Variants in ENTPD7 observed in about 807,000 individuals in gnomAD.
ENTPD7 encodes the protein ectonucleoside triphosphate diphosphohydrolase 7.
A neutral mutation model predicts 77.9 loss-of-function variants in ENTPD7; 53 were observed. The observed-to-expected ratio is 0.68, with a 90% CI of 0.55 to 0.85. The LOEUF is 0.85. Among genes scored for constraint, ENTPD7 ranks in the 40% least tolerant of loss-of-function variants. The pLI, the probability that ENTPD7 is intolerant of heterozygous loss-of-function variation, is 0.00. For synonymous variants in ENTPD7, 248 were observed against 274.9 expected (o/e 0.90, Z 0.97); for missense variants, 636 against 743.7 (o/e 0.86, Z 1.68).
At chr10:99,680,085 G>C (rs2035734396) in intron 5 of ENTPD7, among the ~76,000 whole-genome samples, 1 of 152,202 alleles carries the variant, frequency 6.6e-6, no homozygotes, top group Non-Finnish European at 1.5e-5. Flanking sequence ...TTGAGGGTTG[G>C]GAGTAGTGGT....
At chr10:99,671,544 T>C (rs921907391) in intron 3 of ENTPD7, among the ~76,000 whole-genome samples, 3 of 152,228 alleles carry the variant, frequency 2.0e-5, no homozygotes, top group Non-Finnish European at 4.4e-5. Flanking sequence ...TATAATCTTA[T>C]GGGACCACTG....
At chr10:99,679,674 G>A (rs2035727279) in intron 4 of ENTPD7, 51 bp from the exon 5 acceptor site, 2 of 1,572,976 alleles carry the variant, frequency 1.3e-6, no homozygotes, top group African/African-American at 1.4e-5. Flanking sequence ...TGAGTCTTAT[G>A]TGAGCCGCTT....
intron 3 of ENTPD7, among the ~76,000 whole-genome samples, chr10:99,669,760 T>TG (rs2035596787): frequency 7.4e-6 from 1 of 135,918 alleles, no homozygotes; most frequent in Non-Finnish European, 1.6e-5. Context: ...TTTTTTTTTT[T>TG]TTTTTTTGAG....
At chr10:99,668,232 GC>G (rs2035575421) in intron 3 of ENTPD7, among the ~76,000 whole-genome samples, 1 of 152,104 alleles carries the variant, frequency 6.6e-6, no homozygotes, top group African/African-American at 2.4e-5. Flanking sequence ...ACCATGCCTG[GC>G]CATTAATGAT....
chr10:99,691,512 A>G lies in ENTPD7; in HGVS notation c.837A>G (p.Ala279=), dbSNP rs1356622748. The change falls in exon 8 of 13, where the codon GCA becomes GCG. Residue 279 remains alanine, a synonymous_variant. Transcript: ENST00000370489. ...CTACCTCAACCTCTGTCCTTCCTGCAAAGCAGGTACTTTACCTTTTAGGGA... is the reference window on the plus strand; with the variant it reads ...CTACCTCAACCTCTGTCCTTCCTGCGAAGCAGGTACTTTACCTTTTAGGGA... The part of the protein sequence containing the change: ...EVPTSTSVLP[A]KQEEAAKILL... The G allele has an allele frequency of 6.2e-7, 1 of 1,613,386 alleles. No homozygotes were observed. Among genetic ancestry groups the G allele is most frequent in the Non-Finnish European group, 8.5e-7 (1 of 1,179,846 alleles).
intron 6 of ENTPD7, 121 bp downstream of exon 6, chr10:99,686,016 T>C (rs2035807140): frequency 4.8e-6 from 3 of 625,672 alleles, no homozygotes; most frequent in Non-Finnish European, 8.2e-6. Flanking sequence ...ATAATTTTCT[T>C]GATTCTGCTA....
chr10:99,671,998 G>C (rs2035623438), intron 3 of ENTPD7, among the ~76,000 whole-genome samples: 1 of 152,200 alleles, frequency 6.6e-6, no homozygotes, highest in Non-Finnish European at 1.5e-5. Context: ...AGGTTCTTAT[G>C]TGCAATAGAA....
chr10:99,664,449 TC>T (rs1474056940), intron 3 of ENTPD7, among the ~76,000 whole-genome samples: 2 of 150,232 alleles, frequency 1.3e-5, no homozygotes, highest in South Asian at 2.1e-4. Flanking sequence ...ATTTACATTT[TC>T]TTTTTTTTTT....
intron 3 of ENTPD7, among the ~76,000 whole-genome samples, chr10:99,668,898 G>A (rs964581051): frequency 3.3e-5 from 5 of 151,900 alleles, no homozygotes; most frequent in Non-Finnish European, 7.4e-5. Flanking sequence ...AATTATATCC[G>A]TACTTTGTGG....
At chr10:99,682,971 C>A (rs117168072) in intron 5 of ENTPD7, among the ~76,000 whole-genome samples, 1,612 of 152,282 alleles carry the variant, frequency 0.011, 13 homozygotes, top group Non-Finnish European at 0.017. Context: ...TGGCACTGTT[C>A]GGTATTACCT....
chr10:99,679,575 G>A (rs990297916), intron 4 of ENTPD7, 109 bp downstream of exon 4: 5 of 1,422,470 alleles, frequency 3.5e-6, no homozygotes, highest in Non-Finnish European at 4.7e-6. Context: ...TGGGTAATGG[G>A]AGGGATATCT....
At position 99,698,706 on chromosome 10, in the gene ENTPD7, A is replaced by G; in HGVS notation, c.1183A>G (p.Thr395Ala). 1 of 1,614,184 alleles carries G rather than the reference A, an allele frequency of 6.2e-7. No individual in the cohort carries two copies. The highest frequency in any genetic ancestry group is 8.5e-7 in the Non-Finnish European group (1 of 1,180,026). ...GAGCCCCCTGCTGGCTCGCTCCAAC[A>G]CCAGCCAGGCCTCACTCAATGGCAT... ...MLSPLLARSN[T>A]SQASLNGIYQ... The change falls in exon 10 of 13, where the codon ACC (threonine) becomes GCC (alanine). Residue 395 changes from threonine to alanine, a missense_variant. Physicochemically the swap from Thr to Ala is moderately conservative, Grantham distance 58. This residue lies in a region of ENTPD7 where 486 missense variants were observed against 556.5 expected (regional missense o/e 0.87). Transcript: ENST00000370489.
At chr10:99,675,597 A>AT (rs56282052) in intron 3 of ENTPD7, among the ~76,000 whole-genome samples, 85,134 of 105,644 alleles carry the variant, frequency 0.81, 35,055 homozygotes, top group Middle Eastern at 0.87. Flanking sequence ...ATTGCAACTA[A>AT]TTTTTTTTTT....
chr10:99,676,333 C>T (rs1325114406), intron 3 of ENTPD7, among the ~76,000 whole-genome samples: 1 of 151,850 alleles, frequency 6.6e-6, no homozygotes, highest in African/African-American at 2.4e-5. Context: ...CAACCTATGT[C>T]TATGAAAGCT....
intron 3 of ENTPD7, among the ~76,000 whole-genome samples, chr10:99,665,965 T>C (rs2035544899): frequency 6.6e-6 from 1 of 152,226 alleles, no homozygotes; most frequent in African/African-American, 2.4e-5. Flanking sequence ...TTAATGCTTA[T>C]GGAATTTTCT....
At chr10:99,664,519 AGC>A in intron 3 of ENTPD7, among the ~76,000 whole-genome samples, 1 of 145,298 alleles carries the variant, frequency 6.9e-6, no homozygotes, top group Non-Finnish European at 1.5e-5. Context: ...GCGCTGTCTC[AGC>A]TCACTGCATC....
intron 5 of ENTPD7, among the ~76,000 whole-genome samples, chr10:99,684,680 T>G (rs987279402): frequency 2.0e-5 from 3 of 152,234 alleles, no homozygotes; most frequent in Non-Finnish European, 4.4e-5. Context: ...TATTGAATAT[T>G]TTTTAATCCA....
Position 99,709,744 on chromosome 10 carries a change from A to T in ENTPD7, c.*5061A>T, listed in dbSNP as rs879420594. ...CATTTTAAGCCTGCTCTGTCTACTT[A>T]TCTTCCTTATATCCTAATAGACTTC... On this transcript the variant is annotated 3_prime_UTR_variant, in exon 13 of 13. Coordinates refer to ENST00000370489, the MANE Select transcript of ENTPD7 (RefSeq NM_020354.5). 1 of 985,190 alleles carries T rather than the reference A, an allele frequency of 1.0e-6. No homozygotes were observed. The highest frequency in any genetic ancestry group is 6.1e-5 in the Admixed American group (1 of 16,266). 61.0% of individuals were successfully genotyped at this position (985,190 alleles called of 1,614,324 possible). A position where few individuals can be genotyped will look rare whatever the true frequency, so the allele number is the denominator to read the frequency against.
At chr10:99,694,497 A>G (rs1021613294) in intron 8 of ENTPD7, among the ~76,000 whole-genome samples, 2 of 151,532 alleles carry the variant, frequency 1.3e-5, no homozygotes, top group African/African-American at 4.8e-5. Flanking sequence ...TGCTGCTGTG[A>G]ACATTCATAT....
Sources: gnomAD v4.1 joint callset for allele counts (sites outside exome capture counted in the v4.1 genomes callset) on GRCh38, gnomAD v4.1.1 for gene constraint, gnomAD v4.1.1 regional missense constraint, MANE v1.5 for transcripts, NCBI Gene and HGNC (gene_info 2026-07-23, HGNC 2026-07-21) for gene names.